ZBTB20: variants seen among roughly 807,000 people sequenced by gnomAD.
ZBTB20 encodes the protein zinc finger and BTB domain-containing protein 20.
In ZBTB20, 9 loss-of-function variants were observed where a neutral mutation model predicts 56.9. The observed-to-expected ratio is 0.16, with a 90% CI of 0.10 to 0.28. The LOEUF (loss-of-function observed/expected upper bound fraction) is 0.28. Ranked by LOEUF, ZBTB20 falls within the 10% of genes least tolerant of loss-of-function variation. The pLI is 1.00. For missense variants in ZBTB20, 655 were observed against 1,003.0 expected (o/e 0.65, Z 4.69); for synonymous variants, 417 against 420.7 (o/e 0.99, Z 0.11).
chr3:114,857,456 G>A (rs2075303449), intron 4 of ZBTB20, among the ~76,000 whole-genome samples: 1 of 152,198 alleles, frequency 6.6e-6, no homozygotes, highest in Admixed American at 6.5e-5. Context: ...CAGGTGAACT[G>A]TAGGGAAGTA....
At chr3:114,524,811 T>C (rs1228046993) in intron 6 of ZBTB20, among the ~76,000 whole-genome samples, 2 of 152,122 alleles carry the variant, frequency 1.3e-5, no homozygotes, top group Non-Finnish European at 1.5e-5. Context: ...GCCTCTCAGG[T>C]TCAAGCGATT....
chr3:115,145,699 G>A (rs2084942874), intron 1 of ZBTB20, among the ~76,000 whole-genome samples: 1 of 152,160 alleles, frequency 6.6e-6, no homozygotes, highest in African/African-American at 2.4e-5. Flanking sequence ...GGAGTGGAGG[G>A]GGATCTATAT....
At chr3:114,883,844 T>C (rs1182080290) in intron 4 of ZBTB20, among the ~76,000 whole-genome samples, 2 of 150,396 alleles carry the variant, frequency 1.3e-5, no homozygotes, top group African/African-American at 4.9e-5. Context: ...TGGGTTCCAT[T>C]GTGATAAGGA....
At chr3:115,108,236 A>G (rs888904588) in intron 1 of ZBTB20, among the ~76,000 whole-genome samples, 1 of 152,200 alleles carries the variant, frequency 6.6e-6, no homozygotes, top group Non-Finnish European at 1.5e-5. Flanking sequence ...CATTTCATTT[A>G]TCTATTATTT....
chr3:114,425,134 T>C (rs1419749828), intron 7 of ZBTB20, among the ~76,000 whole-genome samples: 1 of 134,610 alleles, frequency 7.4e-6, no homozygotes, highest in African/African-American at 4.0e-5. Context: ...AACCATTAAT[T>C]CTTCAGCTGA....
intron 6 of ZBTB20, among the ~76,000 whole-genome samples, chr3:114,567,693 C>T (rs2052945124): frequency 6.6e-6 from 1 of 152,174 alleles, no homozygotes; most frequent in Admixed American, 6.5e-5. Flanking sequence ...ACAAAACCCC[C>T]TCGCTTGCCT....
At chr3:115,123,006 G>T (rs541030755) in intron 1 of ZBTB20, among the ~76,000 whole-genome samples, 1 of 152,210 alleles carries the variant, frequency 6.6e-6, no homozygotes, top group South Asian at 2.1e-4. Flanking sequence ...AAACATGCAT[G>T]ATTTTTCATA....
At position 114,339,898 on chromosome 3, in the gene ZBTB20, T is replaced by C. The variant is rs929319982; in HGVS notation, c.1805-472A>G. ...TGAGAACTAAGGATATTGGTCACTA[T>C]AGCTTGGTTCCTTGGGGTAAGTCCC... On this transcript the variant is annotated intron_variant, in intron 11 of 11. Coordinates refer to ENST00000675478, the MANE Select transcript of ZBTB20 (RefSeq NM_001348800.3). The surrounding 1 kb of genome is among the most constrained non-coding windows in gnomAD (Gnocchi z 4.2). 6.6e-6 allele frequency among the ~76,000 whole-genome samples: 1 copy of C among 152,232 alleles called. No individual in the cohort carries two copies. The highest frequency in any genetic ancestry group is 1.5e-5 in the Non-Finnish European group (1 of 68,034).
At chr3:114,690,430 A>C (rs1013470406) in intron 6 of ZBTB20, among the ~76,000 whole-genome samples, 3 of 152,138 alleles carry the variant, frequency 2.0e-5, no homozygotes, top group African/African-American at 7.2e-5. Flanking sequence ...CTGAATAGTC[A>C]CTGACCTACA....
intron 7 of ZBTB20, among the ~76,000 whole-genome samples, chr3:114,417,680 G>A (rs1229153454): frequency 6.6e-6 from 1 of 151,950 alleles, no homozygotes; most frequent in East Asian, 1.9e-4. Context: ...GATCAGGACA[G>A]CCTTATGGAA....
intron 5 of ZBTB20, among the ~76,000 whole-genome samples, chr3:114,723,085 A>G (rs766292361): frequency 1.3e-5 from 2 of 152,192 alleles, no homozygotes; most frequent in Non-Finnish European, 2.9e-5. Context: ...GGTGTCCCCA[A>G]ATCTGTCTAA....
intron 6 of ZBTB20, among the ~76,000 whole-genome samples, chr3:114,596,252 C>T (rs1343827018): frequency 3.9e-5 from 6 of 152,056 alleles, no homozygotes; most frequent in East Asian, 1.9e-4. Context: ...ATCAAACAAA[C>T]GAAAACTACC....
At chr3:114,675,860 A>G (rs561327585) in intron 6 of ZBTB20, among the ~76,000 whole-genome samples, 8,709 of 152,108 alleles carry the variant, frequency 0.057, 339 homozygotes, top group Middle Eastern at 0.14. Context: ...CAACAACAAC[A>G]GCAGTAACAA....
chr3:114,510,154 A>C (rs768857927), intron 6 of ZBTB20, among the ~76,000 whole-genome samples: 2 of 152,194 alleles, frequency 1.3e-5, no homozygotes, highest in Non-Finnish European at 1.5e-5. Context: ...TAATTGAGAA[A>C]GACATGATTT....
chr3:114,361,598 A>G (rs912280214), intron 10 of ZBTB20, among the ~76,000 whole-genome samples: 2 of 152,242 alleles, frequency 1.3e-5, no homozygotes, highest in Non-Finnish European at 2.9e-5. Context: ...AGAATAAACC[A>G]TAAAACAAAG....
rs147907302 is a variant in ZBTB20, at chr3:114,977,815, G to C, written c.-506-3399C>G. On this transcript the variant is annotated intron_variant, in intron 2 of 11. Transcript: ENST00000675478. ...TTACTACTTAAAATTAAAAATTTTAGCCTGGGCAACATGGTGAAACCCTGT... is the reference window on the plus strand; with the variant it reads ...TTACTACTTAAAATTAAAAATTTTACCCTGGGCAACATGGTGAAACCCTGT... 7.6e-4 allele frequency among the ~76,000 whole-genome samples: 116 copies of C among 151,846 alleles called. 1 individual carries two copies. In the East Asian group the frequency reaches 0.02, roughly 26 times the overall value.
At chr3:114,863,882 T>C (rs1186643489) in intron 4 of ZBTB20, among the ~76,000 whole-genome samples, 1 of 152,200 alleles carries the variant, frequency 6.6e-6, no homozygotes, top group Middle Eastern at 3.4e-3. Context: ...TGGTGTTTAA[T>C]TGCTATCAGC....
chr3:114,821,629 C>T (rs1579023607), intron 4 of ZBTB20, among the ~76,000 whole-genome samples: 1 of 152,068 alleles, frequency 6.6e-6, no homozygotes, highest in South Asian at 2.1e-4. Flanking sequence ...TGCTTCCCAC[C>T]TACCGTACTT....
intron 10 of ZBTB20, among the ~76,000 whole-genome samples, chr3:114,365,449 T>A (rs1432264077): frequency 6.6e-6 from 1 of 152,232 alleles, no homozygotes; most frequent in Non-Finnish European, 1.5e-5. Flanking sequence ...GGGCCAGCTC[T>A]GCCTGCTGCT....
Sources: gnomAD v4.1 joint callset for allele counts (sites outside exome capture counted in the v4.1 genomes callset) on GRCh38, gnomAD v4.1.1 for gene constraint, Gnocchi (gnomAD v3.1) non-coding constraint, MANE v1.5 for transcripts, NCBI Gene and HGNC (gene_info 2026-07-23, HGNC 2026-07-21) for gene names.